SEC24B: variants seen among roughly 807,000 people sequenced by gnomAD.
SEC24B encodes protein transport protein Sec24B.
Under a neutral mutation model 142.8 loss-of-function variants are expected in SEC24B, and 45 were observed. That is an observed-to-expected ratio of 0.32 (90% confidence interval 0.25 to 0.40). The LOEUF is 0.40. Among genes scored for constraint, SEC24B ranks in the 10% least tolerant of loss-of-function variants. The pLI, the probability that SEC24B is intolerant of heterozygous loss-of-function variation, is 1.00. For synonymous variants in SEC24B, 574 were observed against 568.2 expected (o/e 1.01, Z -0.15); for missense variants, 1,409 against 1,526.8 (o/e 0.92, Z 1.29).
intron 19 of SEC24B, among the ~76,000 whole-genome samples, 194 bp downstream of exon 19, chr4:109,530,658 T>C (rs1442791111): frequency 6.6e-6 from 1 of 152,042 alleles, no homozygotes; most frequent in Non-Finnish European, 1.5e-5. Context: ...TCCCAGCACT[T>C]TGGGAGGCCG....
rs1726060341 is a variant in SEC24B at position 109,540,445 on chromosome 4, T to C, written c.*770T>C. ...ATGATCAGCCTACTAATTAAAACTA[T>C]TTCGCTTGACAGTATGGTTTGGTGA... On this transcript the variant is annotated 3_prime_UTR_variant, in exon 24 of 24. Coordinates refer to ENST00000265175, the MANE Select transcript of SEC24B (RefSeq NM_006323.5). 6.6e-6 allele frequency: 1 copy of C among 152,358 alleles called. No homozygotes were observed. The highest frequency in any genetic ancestry group is 2.4e-5 in the African/African-American group (1 of 41,458). The allele number at this position is 152,358 out of a possible 1,614,324, so 9.4% of individuals were successfully genotyped here.
intron 7 of SEC24B, among the ~76,000 whole-genome samples, chr4:109,507,337 C>A (rs1013948090): frequency 6.6e-6 from 1 of 150,576 alleles, no homozygotes; most frequent in African/African-American, 2.5e-5. Context: ...TGCAGTGGCC[C>A]GATCTTAGCT....
intron 6 of SEC24B, among the ~76,000 whole-genome samples, chr4:109,498,457 C>T (rs1735760340): frequency 6.6e-6 from 1 of 152,136 alleles, no homozygotes; most frequent in South Asian, 2.1e-4. Context: ...CTCCACCTTC[C>T]AGATTCAAGC....
intron 2 of SEC24B, among the ~76,000 whole-genome samples, chr4:109,468,988 C>CTAAG (rs1387242021): frequency 6.6e-6 from 1 of 152,098 alleles, no homozygotes; most frequent in Non-Finnish European, 1.5e-5. Context: ...TAACAGGGAA[C>CTAAG]TAAGGAGCTA....
At position 109,496,631 on chromosome 4, in the gene SEC24B, A is replaced by G. The variant is rs1346611939; in HGVS notation, c.1488+1775A>G. Among the ~76,000 whole-genome samples, 3 of 152,336 alleles carry G rather than the reference A, an allele frequency of 2.0e-5. No homozygotes were observed. In the East Asian group the frequency reaches 5.8e-4, roughly 29 times the overall value. ...TGAATCTTGCCTGGGTGACATACCA[A>G]GAGCCCATCTTGAGCAGGGGTGGGG... On this transcript the variant is annotated intron_variant, in intron 6 of 23. Coordinates refer to ENST00000265175, the MANE Select transcript of SEC24B (RefSeq NM_006323.5).
intron 1 of SEC24B, among the ~76,000 whole-genome samples, chr4:109,443,653 G>A (rs1454936322): frequency 2.6e-5 from 4 of 152,180 alleles, no homozygotes; most frequent in South Asian, 2.1e-4. Context: ...CACTCCAGGA[G>A]TTCTGTACCC....
intron 8 of SEC24B, 63 bp downstream of exon 8, chr4:109,510,174 A>G: frequency 3.8e-6 from 3 of 781,540 alleles, no homozygotes; most frequent in Non-Finnish European, 5.9e-6. Context: ...AAGGTACTTA[A>G]ATTTTATATT....
intron 10 of SEC24B, among the ~76,000 whole-genome samples, chr4:109,515,686 G>A (rs1440950294): frequency 6.6e-6 from 1 of 152,102 alleles, no homozygotes; most frequent in Non-Finnish European, 1.5e-5. Context: ...ACAGTATAAT[G>A]AGCCATCCTT....
intron 9 of SEC24B, 125 bp downstream of exon 9, chr4:109,512,208 G>A: frequency 1.2e-6 from 1 of 836,510 alleles, no homozygotes; most frequent in Non-Finnish European, 1.8e-6. Flanking sequence ...TTTTAGTAGA[G>A]GGAATATAGG....
intron 2 of SEC24B, among the ~76,000 whole-genome samples, chr4:109,469,945 A>G (rs1485365132): frequency 6.6e-6 from 1 of 152,272 alleles, no homozygotes; most frequent in Non-Finnish European, 1.5e-5. Flanking sequence ...GAAAAGACCA[A>G]CAACCAAAAG....
intron 11 of SEC24B, among the ~76,000 whole-genome samples, chr4:109,518,580 ATAACAT>A: frequency 6.6e-6 from 1 of 152,320 alleles, no homozygotes; most frequent in South Asian, 2.1e-4. Flanking sequence ...AAGGAAACTG[ATAACAT>A]TAAGATGTTC....
intron 22 of SEC24B, among the ~76,000 whole-genome samples, chr4:109,536,039 A>C (rs1725499072): frequency 6.6e-6 from 1 of 152,200 alleles, no homozygotes; most frequent in South Asian, 2.1e-4. Context: ...AAATTAATAT[A>C]AATTCAGTGT....
chr4:109,470,549 G>A (rs771561959), intron 2 of SEC24B, among the ~76,000 whole-genome samples: 5 of 152,158 alleles, frequency 3.3e-5, no homozygotes, highest in African/African-American at 4.8e-5. Flanking sequence ...TGAGGGATTC[G>A]ATATCCCTTG....
intron 2 of SEC24B, among the ~76,000 whole-genome samples, chr4:109,470,250 AG>A (rs748919585): frequency 1.2e-4 from 18 of 152,196 alleles, no homozygotes; most frequent in Non-Finnish European, 2.4e-4. Flanking sequence ...TATACTCTAG[AG>A]AAGTTCTCCT....
At chr4:109,440,064 G>A (rs1473164439) in intron 1 of SEC24B, among the ~76,000 whole-genome samples, 1 of 151,190 alleles carries the variant, frequency 6.6e-6, no homozygotes, top group Non-Finnish European at 1.5e-5. Context: ...AGGTCGTGGT[G>A]AGCCAAGATT....
intron 22 of SEC24B, among the ~76,000 whole-genome samples, chr4:109,534,047 C>CTT (rs768037586): frequency 7.1e-6 from 1 of 141,654 alleles, no homozygotes; most frequent in Non-Finnish European, 1.6e-5. Context: ...ATTAGTAGTT[C>CTT]TTTTTTTTTT....
chr4:109,480,880 A>T (rs1006379939), intron 3 of SEC24B, among the ~76,000 whole-genome samples: 3 of 152,192 alleles, frequency 2.0e-5, no homozygotes, highest in Non-Finnish European at 4.4e-5. Flanking sequence ...AGAAATACCC[A>T]ATTACATTTT....
intron 1 of SEC24B, among the ~76,000 whole-genome samples, chr4:109,452,905 C>T (rs771701780): frequency 6.6e-6 from 1 of 152,038 alleles, no homozygotes; most frequent in Non-Finnish European, 1.5e-5. Context: ...AGACAGATAT[C>T]GGGGGAACCC....
chr4:109,470,249 GAGAAGTTCTCCTCAAACTAT>G (rs1365952263), intron 2 of SEC24B, among the ~76,000 whole-genome samples: 1 of 152,172 alleles, frequency 6.6e-6, no homozygotes, highest in Non-Finnish European at 1.5e-5. Context: ...ATATACTCTA[GAGAAGTTCTCCTCAAACTAT>G]ACATCTGTGT....
Sources: gnomAD v4.1 joint callset for allele counts (sites outside exome capture counted in the v4.1 genomes callset) on GRCh38, gnomAD v4.1.1 for gene constraint, MANE v1.5 for transcripts, NCBI Gene and HGNC (gene_info 2026-07-23, HGNC 2026-07-21) for gene names.